The following HUWE1 variants were observed in gnomAD, a reference collection of about 807,000 sequenced individuals.
HUWE1 encodes the protein E3 ubiquitin-protein ligase HUWE1.
Under a neutral mutation model 299.4 loss-of-function variants are expected in HUWE1, and 18 were observed. That is an observed-to-expected ratio of 0.06 (90% confidence interval 0.04 to 0.09). HUWE1 has a LOEUF of 0.09. Ranked by LOEUF, HUWE1 falls within the 10% of genes least tolerant of loss-of-function variation. The pLI, the probability that HUWE1 is intolerant of heterozygous loss-of-function variation, is 1.00. For synonymous variants in HUWE1, 1,317 were observed against 1,286.1 expected, an observed-to-expected ratio of 1.02 and a Z score of -0.51; for missense variants, 1,832 against 3,462.3, an observed-to-expected ratio of 0.53 and a Z score of 11.82.
intron 7 of HUWE1, among the ~76,000 whole-genome samples, chrX:53,643,920 C>A (rs2067790483): frequency 1.8e-5 from 2 of 111,404 alleles, no homozygotes; most frequent in Admixed American, 9.5e-5. Context: ...ACCTCCCAGG[C>A]TCAAGTGATC....
At chrX:53,578,332 C>T (rs1255159805) in intron 43 of HUWE1, among the ~76,000 whole-genome samples, 7 of 108,041 alleles carry the variant, frequency 6.5e-5, no homozygotes, top group Admixed American at 2.8e-4. Flanking sequence ...CGCCCGGCAG[C>T]CACCCCGTCT....
At position 53,633,780 on chromosome X, in the gene HUWE1, G is replaced by A. The variant is rs781835637; in HGVS notation, c.567+456C>T. ...ATAACTTAAACATGGGTGAAAGGCA[G>A]AGAGATAAACAAGGAAAGCACATAA... On this transcript the variant is annotated intron_variant, in intron 8 of 83. Transcript: ENST00000262854. Among the ~76,000 whole-genome samples the A allele has an allele frequency of 4.5e-5, 5 of 112,205 alleles. No homozygotes were observed. The South Asian group carries it at 1.9e-3, about 42-fold the overall frequency.
At chrX:53,537,417 T>G in intron 78 of HUWE1, 139 bp downstream of exon 78, 2 of 685,622 alleles carry the variant, frequency 2.9e-6, no homozygotes, top group South Asian at 4.7e-5. Flanking sequence ...AGTAAGATTA[T>G]CTAAAACCAG....
intron 29 of HUWE1, among the ~76,000 whole-genome samples, chrX:53,596,694 T>C (rs1001975706): frequency 1.8e-5 from 2 of 112,296 alleles, no homozygotes; most frequent in Admixed American, 9.4e-5. Flanking sequence ...GGTTCTCGCA[T>C]TGTTTTTCAT....
Position 53,551,151 on chromosome X carries a change from T to C in HUWE1, c.9135A>G (p.Glu3045=), listed in dbSNP as rs2061747416. Residue 3045 remains glutamate, a synonymous_variant, in exon 65 of 84, where the codon GAA becomes GAG. Coordinates refer to ENST00000262854, the MANE Select transcript of HUWE1 (RefSeq NM_031407.7). ...AQQRAEQQRR[E]LAQNASSDTP... ...TGTCTGAGCTGGCATTCTGTGCTAG[T>C]TCTCGTCGCTGCTGCTCAGCTCTCT... 1.7e-6 allele frequency: 2 copies of C among 1,210,072 alleles called. No homozygotes were observed. Among genetic ancestry groups the C allele is most frequent in the Non-Finnish European group, 2.2e-6 (2 of 895,217 alleles).
intron 7 of HUWE1, among the ~76,000 whole-genome samples, chrX:53,637,679 G>A (rs1236789057): frequency 2.7e-5 from 3 of 112,152 alleles, no homozygotes; most frequent in East Asian, 2.8e-4. Flanking sequence ...CAACTCAAAC[G>A]TGACTCACGA....
At chrX:53,555,726 C>T (rs1294858098) in intron 60 of HUWE1, among the ~76,000 whole-genome samples, 1 of 106,457 alleles carries the variant, frequency 9.4e-6, no homozygotes, top group African/African-American at 3.5e-5. Flanking sequence ...ACTGAAGCCT[C>T]CACTTCCTGG....
At chrX:53,679,310 T>A (rs1412223876) in intron 3 of HUWE1, among the ~76,000 whole-genome samples, 1 of 112,323 alleles carries the variant, frequency 8.9e-6, no homozygotes, top group African/African-American at 3.2e-5. Flanking sequence ...TAAAAAAAAA[T>A]CAGAAATCTG....
chrX:53,565,393 A>G (rs1404954672), intron 49 of HUWE1, among the ~76,000 whole-genome samples, 154 bp from the exon 50 acceptor site: 3 of 111,517 alleles, frequency 2.7e-5, no homozygotes, highest in Non-Finnish European at 3.8e-5. Context: ...GAAAAAAAAA[A>G]TTTTGACTTA....
At chrX:53,652,542 TTA>T (rs1210991540) in intron 4 of HUWE1, among the ~76,000 whole-genome samples, 4 of 112,063 alleles carry the variant, frequency 3.6e-5, no homozygotes, top group Non-Finnish European at 7.5e-5. Flanking sequence ...AATTTTTAAA[TTA>T]TAGTTTCTTA....
chrX:53,536,358 C>G, intron 79 of HUWE1, 22 bp downstream of exon 79: 2 of 1,206,221 alleles, frequency 1.7e-6, no homozygotes, highest in Non-Finnish European at 2.2e-6. Flanking sequence ...AAGACAGTCC[C>G]AGGACTATGC....
chrX:53,583,485 A>G (rs782207368), intron 42 of HUWE1, 73 bp downstream of exon 42: 60 of 741,771 alleles, frequency 8.1e-5, no homozygotes, highest in Non-Finnish European at 1.3e-4. Context: ...CCAGAAGTCT[A>G]TTTGTTCTCA....
At position 53,550,689 on chromosome X, in the gene HUWE1, C is replaced by A; in HGVS notation, c.9465G>T (p.Met3155Ile). 1 of 1,211,422 alleles carries A rather than the reference C, an allele frequency of 8.3e-7. No homozygotes were observed. The highest frequency in any genetic ancestry group is 1.1e-6 in the Non-Finnish European group (1 of 895,156). The change falls in exon 66 of 84, where the codon ATG becomes ATT. Residue 3155 changes from methionine (M) to isoleucine (I), a missense_variant. Transcript: ENST00000262854. Reference sequence around the variant, plus strand: ...ACCTGTTATGGCTGCTGCTACCCCCCATCTGGAAGGTGCCACCTCTCTGCA... The same window carrying A: ...ACCTGTTATGGCTGCTGCTACCCCCAATCTGGAAGGTGCCACCTCTCTGCA... ...LAVQRGGTFQ[M>I]GGSSSHNRPS...
chrX:53,551,597 TGAGCTCCTGGGCTC>T lies in HUWE1; in HGVS notation c.8882-131_8882-118del, dbSNP rs1386639119. 79 of 653,830 alleles carry T rather than the reference TGAGCTCCTGGGCTC, an allele frequency of 1.2e-4. No homozygotes were observed. The African/African-American group carries it at 1.5e-3, about 13-fold the overall frequency. 53.9% of individuals were successfully genotyped at this position (653,830 alleles called of 1,213,427 possible). ...TGCAACCCTTGCCTCACTGCAGTGT[TGAGCTCCTGGGCTC>T]GAGTCTTCCTGCCTCAGCATCTTGA... On this transcript the variant is annotated intron_variant, in intron 63 of 83. Transcript: ENST00000262854.
intron 49 of HUWE1, 99 bp from the exon 50 acceptor site, chrX:53,565,338 G>C: frequency 1.3e-6 from 1 of 785,597 alleles, no homozygotes; most frequent in Admixed American, 2.8e-5. Context: ...TCTACTAAGA[G>C]AAAAGGGGCA....
At chrX:53,542,797 G>C in intron 73 of HUWE1, 1 of 378,154 alleles carries the variant, frequency 2.6e-6, no homozygotes, top group Non-Finnish European at 4.7e-6. Flanking sequence ...CCAGACCTGT[G>C]ACCAGTCAGA....
At chrX:53,654,295 G>A (rs782785271) in intron 3 of HUWE1, among the ~76,000 whole-genome samples, 164 bp from the exon 4 acceptor site, 12 of 112,075 alleles carry the variant, frequency 1.1e-4, no homozygotes, top group Non-Finnish European at 2.3e-4. Context: ...CTATCAGGTA[G>A]AGAGAGGTAA....
chrX:53,581,505 G>A (rs906410574), intron 42 of HUWE1, among the ~76,000 whole-genome samples: 9 of 112,260 alleles, frequency 8.0e-5, no homozygotes, highest in African/African-American at 2.9e-4. Context: ...ATAACACAGG[G>A]CTTACATATA....
intron 29 of HUWE1, 50 bp downstream of exon 29, chrX:53,600,068 G>C (rs2064740883): frequency 9.2e-7 from 1 of 1,083,983 alleles, no homozygotes; most frequent in East Asian, 3.0e-5. Flanking sequence ...TCTGTTTCAA[G>C]ACTAAGGGAC....
Sources: allele counts gnomAD v4.1 joint callset (sites outside exome capture counted in the v4.1 genomes callset), GRCh38; gene constraint gnomAD v4.1.1; transcripts MANE v1.5; gene names NCBI Gene and HGNC (gene_info 2026-07-23, HGNC 2026-07-21).